Variants in HPSE2 observed in about 807,000 individuals in gnomAD.
The protein encoded by HPSE2 is inactive heparanase-2.
A neutral mutation model predicts 60.5 loss-of-function variants in HPSE2; 38 were observed. The observed-to-expected ratio is 0.63, with a 90% CI of 0.48 to 0.82. HPSE2 has a LOEUF of 0.82. HPSE2 is among the 40% of genes least tolerant of loss of function. The pLI, the probability that HPSE2 is intolerant of heterozygous loss-of-function variation, is 0.00. For synonymous variants in HPSE2, 295 were observed against 293.2 expected (o/e 1.01, Z -0.06); for missense variants, 713 against 740.4 (o/e 0.96, Z 0.43).
intron 3 of HPSE2, among the ~76,000 whole-genome samples, chr10:99,018,042 T>A (rs1230598533): frequency 1.3e-5 from 2 of 152,190 alleles, no homozygotes; most frequent in Non-Finnish European, 2.9e-5. Flanking sequence ...TGTCTCTGAA[T>A]AGCTCCTTAC....
intron 2 of HPSE2, among the ~76,000 whole-genome samples, chr10:99,223,007 A>C (rs1849363030): frequency 6.6e-6 from 1 of 152,178 alleles, no homozygotes; most frequent in Non-Finnish European, 1.5e-5. Context: ...CATGATTCAA[A>C]GATTGAATCC....
chr10:98,889,215 A>G (rs140999855), intron 3 of HPSE2, among the ~76,000 whole-genome samples: 3 of 117,012 alleles, frequency 2.6e-5, no homozygotes, highest in Admixed American at 8.3e-5. Flanking sequence ...TTATTTATTT[A>G]TTTTGGAAAC....
chr10:98,785,735 G>C (rs1222688734), intron 3 of HPSE2, among the ~76,000 whole-genome samples: 1 of 124,234 alleles, frequency 8.0e-6, no homozygotes, highest in Non-Finnish European at 1.7e-5. Flanking sequence ...TTGCATAGAG[G>C]TGTTTGTAGT....
chr10:99,068,372 C>T (rs1842680102), intron 3 of HPSE2, among the ~76,000 whole-genome samples: 1 of 152,164 alleles, frequency 6.6e-6, no homozygotes, highest in East Asian at 1.9e-4. Context: ...GACACAGTTC[C>T]ACGTGGCTGG....
chr10:99,020,255 T>C (rs1957233004), intron 3 of HPSE2, among the ~76,000 whole-genome samples: 1 of 152,160 alleles, frequency 6.6e-6, no homozygotes, highest in Non-Finnish European at 1.5e-5. Flanking sequence ...AATAATCAAA[T>C]AGGTAATTAT....
At chr10:98,881,670 A>G (rs1193143291) in intron 3 of HPSE2, among the ~76,000 whole-genome samples, 1 of 152,096 alleles carries the variant, frequency 6.6e-6, no homozygotes, top group Admixed American at 6.6e-5. Flanking sequence ...CTATATCAAC[A>G]TATTACTTTT....
rs1228183992 is a variant in HPSE2 at position 98,743,984 on chromosome 10, A to G, written c.683T>C (p.Leu228Pro). 1 of 1,614,166 alleles carries G rather than the reference A, an allele frequency of 6.2e-7. No homozygotes were observed. Among genetic ancestry groups the G allele is most frequent in the Non-Finnish European group, 8.5e-7 (1 of 1,179,974 alleles). The change falls in exon 4 of 12, where the codon CTG becomes CCG. Residue 228 changes from leucine (L) to proline (P), a missense_variant. Coordinates refer to ENST00000370552, the MANE Select transcript of HPSE2 (RefSeq NM_021828.5). ...CCAGGAGTTATTGGGATTACGACGC[A>G]GTGCATTTAGAGCAAATATCAGGTG... ...GLHLIFALNA[L>P]RRNPNNSWNS...
chr10:99,067,604 T>C (rs992103725), intron 3 of HPSE2, among the ~76,000 whole-genome samples: 1 of 152,184 alleles, frequency 6.6e-6, no homozygotes, highest in Non-Finnish European at 1.5e-5. Context: ...TGGCTCCTTT[T>C]AACCACAGCT....
At chr10:98,492,547 G>C (rs1332494840) in intron 9 of HPSE2, among the ~76,000 whole-genome samples, 2 of 149,812 alleles carry the variant, frequency 1.3e-5, no homozygotes, top group Admixed American at 6.6e-5. Flanking sequence ...GAGATATTAT[G>C]TTTATTACGT....
intron 9 of HPSE2, among the ~76,000 whole-genome samples, chr10:98,505,964 A>C (rs1942186631): frequency 6.6e-6 from 1 of 152,050 alleles, no homozygotes; most frequent in South Asian, 2.1e-4. Context: ...CCTTTCTTAG[A>C]AATGGCTTTG....
At chr10:98,502,194 C>A in intron 9 of HPSE2, among the ~76,000 whole-genome samples, 1 of 152,086 alleles carries the variant, frequency 6.6e-6, no homozygotes, top group South Asian at 2.1e-4. Context: ...TTTGAAAAAA[C>A]AATTCTAAAA....
At chr10:99,097,251 A>G (rs1301518811) in intron 3 of HPSE2, among the ~76,000 whole-genome samples, 1 of 152,204 alleles carries the variant, frequency 6.6e-6, no homozygotes, top group East Asian at 1.9e-4. Flanking sequence ...TACATCTACT[A>G]TAAGGTAACA....
intron 6 of HPSE2, among the ~76,000 whole-genome samples, chr10:98,689,530 T>C (rs961244242): frequency 1.3e-5 from 2 of 152,240 alleles, no homozygotes; most frequent in Non-Finnish European, 2.9e-5. Flanking sequence ...GAATATATAA[T>C]ATGAGTTATA....
chr10:99,304,716 T>G, the HPSE2 span, among the ~76,000 whole-genome samples: 4 of 152,162 alleles, frequency 2.6e-5, no homozygotes, highest in Admixed American at 1.3e-4. Context: ...GAGCAAATAT[T>G]TGGGGTATGT....
intron 6 of HPSE2, among the ~76,000 whole-genome samples, chr10:98,676,844 TAAAAC>T (rs1197950679): frequency 6.6e-6 from 1 of 152,220 alleles, no homozygotes; most frequent in Non-Finnish European, 1.5e-5. Context: ...TTCTCTTTCT[TAAAAC>T]AAATCACTCT....
intron 3 of HPSE2, among the ~76,000 whole-genome samples, chr10:99,143,032 A>G (rs1295117018): frequency 1.3e-5 from 2 of 152,182 alleles, no homozygotes; most frequent in Non-Finnish European, 2.9e-5. Context: ...AGAAACATCT[A>G]TGCTCTTCCC....
intron 3 of HPSE2, among the ~76,000 whole-genome samples, chr10:99,094,031 G>A (rs1843611924): frequency 6.6e-6 from 1 of 151,894 alleles, no homozygotes; most frequent in East Asian, 1.9e-4. Flanking sequence ...AATTATCTGT[G>A]ACTCCAAATT....
At chr10:98,484,265 T>G (rs1443428576) in intron 10 of HPSE2, among the ~76,000 whole-genome samples, 5 of 152,154 alleles carry the variant, frequency 3.3e-5, no homozygotes, top group African/African-American at 9.7e-5. Context: ...TTTCTTTCTT[T>G]TTTTCTCTGT....
the HPSE2 span, among the ~76,000 whole-genome samples, chr10:99,244,015 T>C: frequency 1.3e-5 from 2 of 152,092 alleles, no homozygotes; most frequent in African/African-American, 4.8e-5. Context: ...TACAATTGTG[T>C]TTGTCAACTC....
Sources: gnomAD v4.1 joint callset for allele counts (sites outside exome capture counted in the v4.1 genomes callset) on GRCh38, gnomAD v4.1.1 for gene constraint, MANE v1.5 for transcripts, NCBI Gene and HGNC (gene_info 2026-07-23, HGNC 2026-07-21) for gene names.